CACNG4: variants seen among roughly 807,000 people sequenced by gnomAD.
The protein encoded by CACNG4 is voltage-dependent calcium channel gamma-4 subunit.
Under a neutral mutation model 22.9 loss-of-function variants are expected in CACNG4, and 8 were observed. The observed-to-expected ratio is 0.35, with a 90% CI of 0.21 to 0.63. The LOEUF (loss-of-function observed/expected upper bound fraction) is 0.63. Ranked by LOEUF, CACNG4 falls within the 30% of genes least tolerant of loss-of-function variation. The probability of loss-of-function intolerance (pLI) is 0.72; values close to 1 mark genes in which losing one functional copy is unlikely to be tolerated. For missense variants in CACNG4, 357 were observed against 455.4 expected (o/e 0.78, Z 1.97); for synonymous variants, 188 against 191.9 (o/e 0.98, Z 0.17).
intron 1 of CACNG4, among the ~76,000 whole-genome samples, chr17:66,982,745 G>A (rs1468680293): frequency 6.6e-6 from 1 of 152,112 alleles, no homozygotes. Context: ...TTATAGAGAT[G>A]AGGTCTTGCT....
intron 3 of CACNG4, among the ~76,000 whole-genome samples, chr17:67,028,875 C>T (rs1279095851): frequency 6.6e-6 from 1 of 152,206 alleles, no homozygotes; most frequent in Non-Finnish European, 1.5e-5. Context: ...TTTCACTTCC[C>T]ATATTGGCAA....
intron 2 of CACNG4, chr17:67,019,944 T>C (rs1951110540): frequency 6.6e-6 from 1 of 152,184 alleles, no homozygotes; most frequent in Admixed American, 6.5e-5. Context: ...GAATGAAGGA[T>C]GTTTACGGAA....
rs373315565 is a variant in CACNG4 at position 67,018,112 on chromosome 17, G to A, written c.221-77G>A. ...GACCTGCACAGAGGCTCACACACAT[G>A]GCAACCGTGTCTGGAGTGAACGGAT... On this transcript the variant is annotated intron_variant, in intron 1 of 3. Transcript: ENST00000262138. 1,128 of 1,109,322 alleles carry A rather than the reference G, an allele frequency of 1.0e-3. 20 individuals carry two copies. The South Asian group carries it at 0.014, about 14-fold the overall frequency. 68.7% of individuals were successfully genotyped at this position (1,109,322 alleles called of 1,614,324 possible).
rs2035601054 is a variant in CACNG4, at chr17:67,030,882, A to G, written c.862A>G (p.Thr288Ala). Residue 288 changes from threonine to alanine, a missense_variant, in exon 4 of 4, where the codon ACC (threonine) becomes GCC (alanine). Around this residue, in one of 3 missense-constraint regions of CACNG4, gnomAD observed 240 missense variants for 277.6 expected, o/e 0.86. Coordinates refer to ENST00000262138, the MANE Select transcript of CACNG4 (RefSeq NM_014405.4). The surrounding 1 kb of genome is among the most constrained non-coding windows in gnomAD (Gnocchi z 6.4). ...GTCCAGGGAGCCCCTCAAGGTGACC[A>G]CCGCAGCCAGCTACAGCCCCGACCA... The part of the protein sequence containing the change: ...TLSREPLKVT[T>A]AASYSPDQEA... 7.4e-6 allele frequency: 12 copies of G among 1,612,796 alleles called. No individual in the cohort carries two copies. Among genetic ancestry groups the G allele is most frequent in the Non-Finnish European group, 9.3e-6 (11 of 1,180,018 alleles).
chr17:67,012,783 G>A (rs1441433579), intron 1 of CACNG4, among the ~76,000 whole-genome samples: 1 of 152,186 alleles, frequency 6.6e-6, no homozygotes, highest in African/African-American at 2.4e-5. Context: ...GCACAGAGCT[G>A]GTCGCTCGCG....
chr17:66,968,799 T>C (rs2035187092), intron 1 of CACNG4, among the ~76,000 whole-genome samples: 1 of 142,742 alleles, frequency 7.0e-6, no homozygotes, highest in Non-Finnish European at 1.5e-5. Context: ...TCTCTCCTTT[T>C]CTTTCCTCCC....
At chr17:67,023,783 G>A (rs930546043) in intron 2 of CACNG4, among the ~76,000 whole-genome samples, 28 of 151,048 alleles carry the variant, frequency 1.9e-4, no homozygotes, top group Admixed American at 1.7e-3. Flanking sequence ...CACCATGTTG[G>A]CCAGGCTGGT....
At chr17:67,001,117 T>C (rs1382029366) in intron 1 of CACNG4, among the ~76,000 whole-genome samples, 2 of 152,052 alleles carry the variant, frequency 1.3e-5, no homozygotes, top group Non-Finnish European at 2.9e-5. Context: ...AGATCAATGG[T>C]TTTATAAAGG....
At chr17:66,998,947 C>T (rs567497421) in intron 1 of CACNG4, among the ~76,000 whole-genome samples, 1 of 152,312 alleles carries the variant, frequency 6.6e-6, no homozygotes, top group African/African-American at 2.4e-5. Flanking sequence ...CTAGGCCTCC[C>T]TCAGCTCCTG....
chr17:67,025,092 C>T, intron 3 of CACNG4, 92 bp downstream of exon 3: 1 of 1,229,820 alleles, frequency 8.1e-7, no homozygotes, highest in South Asian at 1.8e-5. Context: ...CAGTGTGCAT[C>T]CTAGAGGGGA....
At chr17:66,975,794 C>G (rs759737025) in intron 1 of CACNG4, among the ~76,000 whole-genome samples, 1 of 152,232 alleles carries the variant, frequency 6.6e-6, no homozygotes, top group Non-Finnish European at 1.5e-5. Flanking sequence ...CTCCTGTGAA[C>G]TGCAAAATCA....
chr17:66,994,387 T>C (rs954022968), intron 1 of CACNG4, among the ~76,000 whole-genome samples: 1 of 150,920 alleles, frequency 6.6e-6, no homozygotes, highest in Admixed American at 6.6e-5. Flanking sequence ...AAAAGGTGCC[T>C]CAGCACACCG....
chr17:67,016,009 T>C (rs12600931), intron 1 of CACNG4, among the ~76,000 whole-genome samples: 22,399 of 151,928 alleles, frequency 0.15, 3,107 homozygotes, highest in African/African-American at 0.35. Context: ...CAGCCTGTCT[T>C]GGAGTTCCTT....
rs911731677 is a variant in CACNG4, at chr17:67,018,110, A to G, written c.221-79A>G. The stretch of plus-strand genomic sequence containing the variant: ...AGGACCTGCACAGAGGCTCACACAC[A>G]TGGCAACCGTGTCTGGAGTGAACGG... On this transcript the variant is annotated intron_variant, in intron 1 of 3. Transcript: ENST00000262138. 6.4e-6 allele frequency: 7 copies of G among 1,095,684 alleles called. No homozygotes were observed. In the Admixed American group the frequency reaches 6.9e-5, roughly 11 times the overall value. 67.9% of individuals were successfully genotyped at this position (1,095,684 alleles called of 1,614,324 possible).
chr17:67,008,445 C>A (rs995677498), intron 1 of CACNG4, among the ~76,000 whole-genome samples: 1 of 152,044 alleles, frequency 6.6e-6, no homozygotes, highest in Admixed American at 6.6e-5. Flanking sequence ...GGGAGAATTG[C>A]GGGGAGCAGG....
intron 1 of CACNG4, among the ~76,000 whole-genome samples, chr17:66,994,708 A>C (rs959598300): frequency 6.6e-6 from 1 of 152,256 alleles, no homozygotes; most frequent in Non-Finnish European, 1.5e-5. Context: ...TGGGAACAGC[A>C]GTCCCTATCT....
At chr17:67,014,117 C>T (rs2035483275) in intron 1 of CACNG4, among the ~76,000 whole-genome samples, 3 of 152,288 alleles carry the variant, frequency 2.0e-5, no homozygotes, top group Admixed American at 1.3e-4. Context: ...CACAGCCCAG[C>T]GACCCCTGTC....
chr17:66,970,776 G>A (rs1347202183), intron 1 of CACNG4, among the ~76,000 whole-genome samples: 1 of 152,154 alleles, frequency 6.6e-6, no homozygotes, highest in Non-Finnish European at 1.5e-5. Flanking sequence ...GTATTTTGGG[G>A]GCACACAGAC....
intron 1 of CACNG4, among the ~76,000 whole-genome samples, chr17:67,017,259 G>A (rs1022148385): frequency 1.1e-4 from 17 of 151,774 alleles, no homozygotes; most frequent in African/African-American, 4.1e-4. Flanking sequence ...GTACTTTTAG[G>A]AGAAATGGGG....
Sources: allele counts gnomAD v4.1 joint callset (sites outside exome capture counted in the v4.1 genomes callset), GRCh38; gene constraint gnomAD v4.1.1; regional missense constraint gnomAD v4.1.1; non-coding constraint Gnocchi (gnomAD v3.1); transcripts MANE v1.5; gene names NCBI Gene and HGNC (gene_info 2026-07-23, HGNC 2026-07-21).